HDC: variants seen among roughly 807,000 people sequenced by gnomAD.
The protein encoded by HDC is histidine decarboxylase.
HDC carries 27 observed loss-of-function variants against 64.4 expected under a neutral mutation model. That is an observed-to-expected ratio of 0.42 (90% CI 0.31 to 0.58). HDC has a LOEUF of 0.58. HDC is among the 20% of genes least tolerant of loss of function. The pLI is 0.16. For synonymous variants in HDC, 305 were observed against 314.2 expected (o/e 0.97, Z 0.31); for missense variants, 711 against 833.9 (o/e 0.85, Z 1.81).
At chr15:50,256,142 A>T (rs2045627366) in intron 4 of HDC, among the ~76,000 whole-genome samples, 1 of 152,256 alleles carries the variant, frequency 6.6e-6, no homozygotes, top group Admixed American at 6.5e-5. Flanking sequence ...ATTCACCTGC[A>T]GGGTTCCTGA....
At chr15:50,261,842 T>C (rs2140942836) in intron 2 of HDC, among the ~76,000 whole-genome samples, 1 of 152,022 alleles carries the variant, frequency 6.6e-6, no homozygotes, top group East Asian at 1.9e-4. Flanking sequence ...CCCAAGTAGC[T>C]GGGATTACAG....
At chr15:50,258,837 T>G (rs1243333998) in intron 2 of HDC, among the ~76,000 whole-genome samples, 1 of 152,104 alleles carries the variant, frequency 6.6e-6, no homozygotes, top group Admixed American at 6.5e-5. Flanking sequence ...CCCCAGTACT[T>G]ACCCCTCATG....
At chr15:50,257,592 T>C in intron 3 of HDC, 45 bp from the exon 4 acceptor site, 1 of 1,609,258 alleles carries the variant, frequency 6.2e-7, no homozygotes, top group South Asian at 1.1e-5. Flanking sequence ...CCCAGGGCAC[T>C]GAGGTGCCCC....
chr15:50,254,440 G>T lies in HDC; in HGVS notation c.576+90C>A, dbSNP rs781372463. 39 of 1,569,750 alleles carry T rather than the reference G, an allele frequency of 2.5e-5. No homozygotes were observed. In the African/African-American group the frequency reaches 4.7e-4, roughly 19 times the overall value. On this transcript the variant is annotated intron_variant, in intron 5 of 11. Transcript: ENST00000267845. ...TGTCTGAGCTGCTCAGAACCCCAGC[G>T]TACTCACGTCTAGAAAAAAATTGCT...
At chr15:50,251,421 T>A (rs757602353) in intron 9 of HDC, among the ~76,000 whole-genome samples, 5 of 152,240 alleles carry the variant, frequency 3.3e-5, no homozygotes, top group Non-Finnish European at 4.4e-5. Flanking sequence ...ATTCTCATTT[T>A]ACAGATAAGG....
chr15:50,263,550 C>T, intron 1 of HDC, 143 bp from the exon 2 acceptor site: 1 of 766,434 alleles, frequency 1.3e-6, no homozygotes, highest in East Asian at 2.7e-5. Flanking sequence ...GCCTGTAATC[C>T]CAGCACTTTG....
chr15:50,263,553 G>A, intron 1 of HDC, 146 bp from the exon 2 acceptor site: 2 of 751,074 alleles, frequency 2.7e-6, no homozygotes, highest in South Asian at 3.0e-5. Flanking sequence ...TGTAATCCCA[G>A]CACTTTGGGA....
At chr15:50,254,851 G>C (rs2045610711) in intron 4 of HDC, among the ~76,000 whole-genome samples, 187 bp from the exon 5 acceptor site, 1 of 151,298 alleles carries the variant, frequency 6.6e-6, no homozygotes, top group African/African-American at 2.4e-5. Flanking sequence ...TCCTGCCCAG[G>C]GTGCCCATGT....
chr15:50,260,843 C>T (rs2045694439), intron 2 of HDC, among the ~76,000 whole-genome samples: 1 of 152,144 alleles, frequency 6.6e-6, no homozygotes, highest in Non-Finnish European at 1.5e-5. Flanking sequence ...GGGATGCTCT[C>T]TCTCTCTCAT....
intron 10 of HDC, among the ~76,000 whole-genome samples, chr15:50,246,136 T>C (rs943033073): frequency 6.6e-6 from 1 of 152,144 alleles, no homozygotes; most frequent in African/African-American, 2.4e-5. Flanking sequence ...CGGGCCTTCT[T>C]CCCTCAAGCA....
chr15:50,254,772 C>G lies in HDC; in HGVS notation c.442-108G>C, dbSNP rs1228340150. On this transcript the variant is annotated intron_variant, in intron 4 of 11. Transcript: ENST00000267845. ...TCTCTCTCTCTCTCTCTCTCTCTCTCTCTCTGTGTGTGTATGTGTTTGTGT... is the reference window on the plus strand; with the variant it reads ...TCTCTCTCTCTCTCTCTCTCTCTCTGTCTCTGTGTGTGTATGTGTTTGTGT... The G allele has an allele frequency of 2.4e-3, 2,283 of 939,406 alleles. 41 individuals carry two copies. In the African/African-American group the frequency reaches 0.029, roughly 12 times the overall value. 58.2% of individuals were successfully genotyped at this position (939,406 alleles called of 1,614,324 possible). A position where few individuals can be genotyped will look rare whatever the true frequency, so the allele number is the denominator to read the frequency against.
At chr15:50,254,756 C>G (rs937829301) in intron 4 of HDC, 92 bp from the exon 5 acceptor site, 15 of 1,003,208 alleles carry the variant, frequency 1.5e-5, no homozygotes, top group East Asian at 1.3e-4. Flanking sequence ...CTCTCTCTCT[C>G]TCTCTCTCTC....
intron 10 of HDC, among the ~76,000 whole-genome samples, chr15:50,246,902 C>G (rs2045489946): frequency 6.6e-6 from 1 of 152,162 alleles, no homozygotes; most frequent in African/African-American, 2.4e-5. Flanking sequence ...GGTAAACAAC[C>G]AGTGGTGATT....
intron 10 of HDC, among the ~76,000 whole-genome samples, chr15:50,244,285 CTT>C (rs554623599): frequency 1.8e-3 from 185 of 105,146 alleles, no homozygotes; most frequent in African/African-American, 6.4e-3. Context: ...AGCTGAACCT[CTT>C]TTTTTTTTTT....
At position 50,252,530 on chromosome 15, in the gene HDC, T is replaced by A; in HGVS notation, c.951-10A>T. 6.2e-7 allele frequency: 1 copy of A among 1,614,174 alleles called. No homozygotes were observed. The highest frequency in any genetic ancestry group is 8.5e-7 in the Non-Finnish European group (1 of 1,180,010). ...GTACTTGTCCTTGACCCTGTGGGTT[T>A]CCAAATGGGCATTAGTGGCTGAGGT... is the stretch of plus-strand genomic sequence containing the variant. On this transcript the variant is annotated splice_polypyrimidine_tract_variant and intron_variant, in intron 8 of 11. Transcript: ENST00000267845.
chr15:50,252,769 G>A lies in HDC; in HGVS notation c.793C>T (p.Arg265Cys), dbSNP rs200711064. The A allele has an allele frequency of 1.7e-5, 27 of 1,612,514 alleles. No individual in the cohort carries two copies. The highest frequency in any genetic ancestry group is 1.7e-4 in the Middle Eastern group (1 of 6,058). ...TCGATGTGGAGCCACAGCCCCTCAC[G>A]GGCACCTGAGGAGGCAAACATCACC... is the stretch of plus-strand genomic sequence containing the variant. ...CLSELGPICA[R>C]EGLWLHIDAA... The change falls in exon 8 of 12, where the codon CGT becomes TGT. Residue 265 changes from arginine to cysteine, a missense_variant. By Grantham distance (180) the Arg-to-Cys change is radical. This residue lies in a region of HDC where 483 missense variants were observed against 540.9 expected (regional missense o/e 0.89). Coordinates refer to ENST00000267845, the MANE Select transcript of HDC (RefSeq NM_002112.4).
At chr15:50,260,463 G>A (rs2045688473) in intron 2 of HDC, among the ~76,000 whole-genome samples, 1 of 152,138 alleles carries the variant, frequency 6.6e-6, no homozygotes, top group Non-Finnish European at 1.5e-5. Context: ...TGTTGTGTGG[G>A]TGGAGGCGTG....
intron 4 of HDC, among the ~76,000 whole-genome samples, chr15:50,255,563 C>T (rs1236211425): frequency 2.0e-5 from 3 of 152,086 alleles, no homozygotes; most frequent in Non-Finnish European, 4.4e-5. Context: ...AATCCCAGCA[C>T]TTTGGGAGGA....
At chr15:50,247,429 TCCA>T (rs2045496653) in intron 10 of HDC, among the ~76,000 whole-genome samples, 7 of 152,172 alleles carry the variant, frequency 4.6e-5, no homozygotes, top group Admixed American at 4.6e-4. Context: ...AGTTACCGCT[TCCA>T]CCACTTCATT....
Sources: allele counts gnomAD v4.1 joint callset (sites outside exome capture counted in the v4.1 genomes callset), GRCh38; gene constraint gnomAD v4.1.1; regional missense constraint gnomAD v4.1.1; transcripts MANE v1.5; gene names NCBI Gene and HGNC (gene_info 2026-07-23, HGNC 2026-07-21).